The following SLC26A5 variants were observed in gnomAD, a reference collection of about 807,000 sequenced individuals.
SLC26A5 encodes prestin.
SLC26A5 carries 51 observed loss-of-function variants against 81.0 expected under a neutral mutation model. The observed-to-expected ratio is 0.63, with a 90% confidence interval of 0.50 to 0.80. SLC26A5 has a LOEUF of 0.80. Ranked by LOEUF, SLC26A5 falls within the 30% of genes least tolerant of loss-of-function variation. The probability of loss-of-function intolerance (pLI) is 0.00; values close to 1 mark genes in which losing one functional copy is unlikely to be tolerated. For missense variants in SLC26A5, 771 were observed against 905.8 expected (o/e 0.85, Z 1.91); for synonymous variants, 325 against 332.8 (o/e 0.98, Z 0.25).
chr7:103,392,744 A>AT (rs1164478363), intron 10 of SLC26A5, among the ~76,000 whole-genome samples, 175 bp downstream of exon 10: 1 of 152,044 alleles, frequency 6.6e-6, no homozygotes, highest in Admixed American at 6.6e-5. Flanking sequence ...TGCCCGGCTA[A>AT]TTTTTTGTAT....
chr7:103,356,364 G>A (rs1243770285), intron 19 of SLC26A5, among the ~76,000 whole-genome samples: 1 of 152,076 alleles, frequency 6.6e-6, no homozygotes, highest in Admixed American at 6.5e-5. Flanking sequence ...ATTTCTGTAG[G>A]CTAGCTTACT....
rs748052395 is a variant in SLC26A5, at chr7:103,376,853, C to G, written c.1996G>C (p.Glu666Gln). 2.9e-5 allele frequency: 47 copies of G among 1,598,090 alleles called. No homozygotes were observed. Among genetic ancestry groups the G allele is most frequent in the Non-Finnish European group, 3.7e-5 (43 of 1,165,998 alleles). ...ACATATATACCGACGTCTCCATATT[C>G]TTTTACAATCTGTAATAATGTTGAA... The part of the protein sequence containing the change: ...GVKTLAGIVK[E>Q]YGDVGIYVYL... The change falls in exon 19 of 20, where the codon GAA becomes CAA. Residue 666 changes from glutamate to glutamine, a missense_variant. Coordinates refer to ENST00000306312, the MANE Select transcript of SLC26A5 (RefSeq NM_198999.3).
Position 103,367,704 on chromosome 7 carries a change from C to T in SLC26A5, c.2041+9104G>A. On this transcript the variant is annotated intron_variant, in intron 19 of 19. Coordinates refer to the SLC26A5 transcript ENST00000339444. The surrounding 1 kb of genome is among the most constrained non-coding windows in gnomAD (Gnocchi z 6.1). The stretch of plus-strand genomic sequence containing the variant: ...CCATTTTAATATTTGTCAATTTTCT[C>T]ATTTTTAGGGTCGGACCCACATATT... 1.2e-6 allele frequency: 2 copies of T among 1,609,368 alleles called. No homozygotes were observed. The highest frequency in any genetic ancestry group is 8.5e-7 in the Non-Finnish European group (1 of 1,178,500).
intron 2 of SLC26A5, among the ~76,000 whole-genome samples, chr7:103,427,113 G>A (rs1431848115): frequency 6.9e-6 from 1 of 145,098 alleles, no homozygotes; most frequent in Non-Finnish European, 1.5e-5. Flanking sequence ...TCACTCTGTT[G>A]CCTAGGCTGG....
At chr7:103,397,678 C>A (rs1330508266) in intron 9 of SLC26A5, among the ~76,000 whole-genome samples, 1 of 148,128 alleles carries the variant, frequency 6.8e-6, no homozygotes, top group Non-Finnish European at 1.5e-5. Flanking sequence ...GAAGGCGCCA[C>A]TGCACTCCAG....
intron 2 of SLC26A5, among the ~76,000 whole-genome samples, chr7:103,434,320 G>A (rs1339581381): frequency 6.6e-6 from 1 of 152,128 alleles, no homozygotes; most frequent in Non-Finnish European, 1.5e-5. Flanking sequence ...TTCCTCATGA[G>A]AAGCCTTATG....
At chr7:103,396,270 A>T (rs988679873) in intron 9 of SLC26A5, among the ~76,000 whole-genome samples, 1 of 152,244 alleles carries the variant, frequency 6.6e-6, no homozygotes, top group African/African-American at 2.4e-5. Context: ...TATGGGAAAC[A>T]GTATGAAAGG....
At position 103,395,593 on chromosome 7, in the gene SLC26A5, G is replaced by A. The variant is rs182638981; in HGVS notation, c.971+2339C>T. 4.5e-3 allele frequency among the ~76,000 whole-genome samples: 644 copies of A among 144,658 alleles called. 5 individuals carry two copies. The highest frequency in any genetic ancestry group is 0.016 in the African/African-American group (627 of 38,856). 94.9% of individuals were successfully genotyped at this position (144,658 alleles called of 152,430 possible). ...GGCTAGAATGCCATGGCGTGATCTT[G>A]ACTCACTGCAACCTCCGCCTTCTGG... is the stretch of plus-strand genomic sequence containing the variant. On this transcript the variant is annotated intron_variant, in intron 9 of 19. Coordinates refer to ENST00000306312, the MANE Select transcript of SLC26A5 (RefSeq NM_198999.3).
At position 103,379,298 on chromosome 7, in the gene SLC26A5, T is replaced by C. The variant is rs1033174853; in HGVS notation, c.1622A>G (p.Asn541Ser). The C allele has an allele frequency of 5.6e-6, 9 of 1,610,758 alleles. No individual in the cohort carries two copies. Among genetic ancestry groups the C allele is most frequent in the African/African-American group, 2.7e-5 (2 of 74,808 alleles). Residue 541 changes from asparagine to serine, a missense_variant, in exon 16 of 20, where the codon AAT (asparagine) becomes AGT (serine). Asn to Ser is a conservative substitution (Grantham distance 46). Transcript: ENST00000306312. ...EIPGIKIFQINAPIYYANSDL... is the reference protein window; with the variant it reads ...EIPGIKIFQISAPIYYANSDL... The stretch of plus-strand genomic sequence containing the variant: ...GCTATTTGCATAGTAAATTGGTGCA[T>C]TTATTTGAAATATTTTTATTCCAGG...
At position 103,390,429 on chromosome 7, in the gene SLC26A5, C is replaced by T; in HGVS notation, c.1311G>A (p.Gln437=). ...ATGFLFESLP[Q]AVLSAIVIVN... ...TCACCCAAGTCCACATTACACACAC[C>T]TGGGGCAATGATTCAAAGAGGAATC... The change falls in exon 12 of 20, where the codon CAG becomes CAA. Residue 437 remains glutamine, a splice_region_variant and synonymous_variant. Transcript: ENST00000306312. The T allele has an allele frequency of 6.2e-7, 1 of 1,613,726 alleles. No homozygotes were observed. The highest frequency in any genetic ancestry group is 8.5e-7 in the Non-Finnish European group (1 of 1,179,648).
downstream of SLC26A5, among the ~76,000 whole-genome samples, chr7:103,372,879 T>TAAAAA (rs5886252): frequency 7.0e-6 from 1 of 142,610 alleles, no homozygotes. Flanking sequence ...AAGGGAAATC[T>TAAAAA]AAAAAAAAAA....
At chr7:103,368,244 T>C in intron 19 of SLC26A5, 1 of 605,468 alleles carries the variant, frequency 1.7e-6, no homozygotes, top group South Asian at 2.9e-5. Context: ...ATATTTTGAC[T>C]ATTTTTTTGA....
chr7:103,418,641 G>A (rs941279118), intron 4 of SLC26A5, among the ~76,000 whole-genome samples: 1 of 152,146 alleles, frequency 6.6e-6, no homozygotes, highest in Non-Finnish European at 1.5e-5. Flanking sequence ...CAGTCACTTG[G>A]AAAATAAAAA....
chr7:103,357,952 G>A (rs1403462900), intron 19 of SLC26A5, among the ~76,000 whole-genome samples: 1 of 152,130 alleles, frequency 6.6e-6, no homozygotes, highest in African/African-American at 2.4e-5. Context: ...CTTCTGACCT[G>A]CTTTGGTTTG....
chr7:103,392,809 C>T (rs1822772596), intron 10 of SLC26A5, 110 bp downstream of exon 10: 1 of 1,342,536 alleles, frequency 7.4e-7, no homozygotes, highest in East Asian at 2.4e-5. Flanking sequence ...AATCTCCTGA[C>T]CTCATGATCC....
In SLC26A5 at chr7:103,352,745, CT is replaced by C. The variant is rs527444499; in HGVS notation, c.*164del. Reference sequence around the variant, plus strand: ...ACTCATCCTGGTAGATTCATTTTTTCTTTATTTCACAAAAGAGAAAACAAAG... The same window carrying C: ...ACTCATCCTGGTAGATTCATTTTTTCTTATTTCACAAAAGAGAAAACAAAG... On this transcript the variant is annotated 3_prime_UTR_variant, in exon 20 of 20. Transcript: ENST00000339444. 1.4e-4 allele frequency: 104 copies of C among 734,886 alleles called. No homozygotes were observed. The African/African-American group carries it at 1.6e-3, about 11-fold the overall frequency. 45.5% of individuals were successfully genotyped at this position (734,886 alleles called of 1,614,324 possible). A position where few individuals can be genotyped will look rare whatever the true frequency, so the allele number is the denominator to read the frequency against.
chr7:103,421,718 A>C (rs1825367473), intron 2 of SLC26A5, among the ~76,000 whole-genome samples, 151 bp from the exon 3 acceptor site: 1 of 152,228 alleles, frequency 6.6e-6, no homozygotes, highest in Non-Finnish European at 1.5e-5. Context: ...TATAGGAGGC[A>C]GTAATTAATG....
intron 4 of SLC26A5, among the ~76,000 whole-genome samples, chr7:103,419,278 T>C (rs1025541579): frequency 6.6e-6 from 1 of 152,178 alleles, no homozygotes; most frequent in Non-Finnish European, 1.5e-5. Flanking sequence ...AAAGTAATGC[T>C]GATAGCTTTT....
intron 2 of SLC26A5, among the ~76,000 whole-genome samples, chr7:103,429,673 T>C (rs1406778182): frequency 6.6e-6 from 1 of 152,208 alleles, no homozygotes; most frequent in African/African-American, 2.4e-5. Context: ...AGTGGCTCAA[T>C]ATGTAGAAAG....
Sources: allele counts gnomAD v4.1 joint callset (sites outside exome capture counted in the v4.1 genomes callset), GRCh38; gene constraint gnomAD v4.1.1; non-coding constraint Gnocchi (gnomAD v3.1); transcripts MANE v1.5; gene names NCBI Gene and HGNC (gene_info 2026-07-23, HGNC 2026-07-21).